The following PCNX2 variants were observed in gnomAD, a reference collection of about 807,000 sequenced individuals.
The protein encoded by PCNX2 is pecanex 2, also known as pecanex-like protein 2.
A neutral mutation model predicts 223.8 loss-of-function variants in PCNX2; 168 were observed. The observed-to-expected ratio is 0.75, with a 90% CI of 0.66 to 0.85. PCNX2 has a LOEUF of 0.85. Among genes scored for constraint, PCNX2 ranks in the 40% least tolerant of loss-of-function variants. PCNX2 has a pLI of 0.00. For missense variants in PCNX2, 2,507 were observed against 2,675.5 expected (o/e 0.94, Z 1.39); for synonymous variants, 1,006 against 1,052.6 (o/e 0.96, Z 0.86).
At chr1:233,003,230 G>A (rs1432233970) in intron 28 of PCNX2, among the ~76,000 whole-genome samples, 1 of 152,136 alleles carries the variant, frequency 6.6e-6, no homozygotes, top group Non-Finnish European at 1.5e-5. Flanking sequence ...CCTACAGAAT[G>A]GGAGAAAATT....
At position 233,258,062 on chromosome 1, in the gene PCNX2, T is replaced by C; in HGVS notation, c.1800A>G (p.Ser600=). Residue 600 remains serine (S), a synonymous_variant, in exon 5 of 34, where the codon TCA becomes TCG. Transcript: ENST00000258229. ...GCCCACTTTCTTCATTCTGCTCAGC[T>C]GAGCCATTCAGTTGACTGGATGCCG... ...KMTASSQLNG[S]AEQNEESGLL... is the part of the protein sequence containing the mutation. The C allele has an allele frequency of 6.2e-7, 1 of 1,613,972 alleles. No individual in the cohort carries two copies. The highest frequency in any genetic ancestry group is 1.1e-5 in the South Asian group (1 of 91,078).
rs557582756 is a variant in PCNX2 at position 233,154,357 on chromosome 1, G to A, written c.3517+5926C>T. Reference sequence around the variant, plus strand: ...AGCCTCCCAAAGTGCTGGGATTACAGGTGTGGGCCACCATGCCCGGCCTAT... The same window carrying A: ...AGCCTCCCAAAGTGCTGGGATTACAAGTGTGGGCCACCATGCCCGGCCTAT... On this transcript the variant is annotated intron_variant, in intron 19 of 33. Coordinates refer to ENST00000258229, the MANE Select transcript of PCNX2 (RefSeq NM_014801.4). Among the ~76,000 whole-genome samples, 13 of 152,300 alleles carry A rather than the reference G, an allele frequency of 8.5e-5. No homozygotes were observed. In the South Asian group the frequency reaches 2.5e-3, roughly 29 times the overall value.
At chr1:233,197,301 C>T (rs1680791668) in intron 15 of PCNX2, among the ~76,000 whole-genome samples, 1 of 152,050 alleles carries the variant, frequency 6.6e-6, no homozygotes, top group South Asian at 2.1e-4. Flanking sequence ...CAGAACACAA[C>T]AGAGCAATAT....
chr1:233,125,218 A>C (rs1011375176), intron 21 of PCNX2, among the ~76,000 whole-genome samples: 1 of 151,744 alleles, frequency 6.6e-6, no homozygotes, highest in African/African-American at 2.4e-5. Flanking sequence ...TTGCTGAACT[A>C]TTCCTTCTTT....
intron 15 of PCNX2, among the ~76,000 whole-genome samples, chr1:233,192,882 C>T (rs1572051513): frequency 1.3e-5 from 2 of 150,556 alleles, no homozygotes; most frequent in East Asian, 3.9e-4. Flanking sequence ...TAACATTATG[C>T]CTGCAGATAA....
chr1:232,998,217 T>G (rs762896041), intron 32 of PCNX2, 34 bp downstream of exon 32: 1 of 1,490,860 alleles, frequency 6.7e-7, no homozygotes, highest in Admixed American at 2.5e-5. Flanking sequence ...AAATAGGACT[T>G]CATCGATAGT....
At chr1:233,007,063 A>C (rs1394581297) in intron 28 of PCNX2, among the ~76,000 whole-genome samples, 2 of 151,922 alleles carry the variant, frequency 1.3e-5, no homozygotes, top group African/African-American at 2.4e-5. Context: ...GCAATTCCCC[A>C]AACAAAAACA....
At chr1:233,234,700 G>A (rs1410048524) in intron 9 of PCNX2, among the ~76,000 whole-genome samples, 1 of 152,114 alleles carries the variant, frequency 6.6e-6, no homozygotes, top group African/African-American at 2.4e-5. Context: ...TGAAATCAAT[G>A]GCATTCACAT....
At chr1:233,317,282 T>C in the PCNX2 span, among the ~76,000 whole-genome samples, 1 of 152,014 alleles carries the variant, frequency 6.6e-6, no homozygotes, top group Non-Finnish European at 1.5e-5. Context: ...GGCGTGATGA[T>C]GGGTGCCTGT....
intron 25 of PCNX2, chr1:233,033,083 T>A (rs1367381367): frequency 1.0e-6 from 1 of 985,288 alleles, no homozygotes; most frequent in East Asian, 1.1e-4. Flanking sequence ...CAGTGTGACC[T>A]TTCGAAGCCC....
chr1:233,136,338 T>G (rs142991740), intron 20 of PCNX2, among the ~76,000 whole-genome samples: 2 of 152,202 alleles, frequency 1.3e-5, no homozygotes, highest in African/African-American at 4.8e-5. Flanking sequence ...AGGAACCTTA[T>G]CAGCATTATG....
At chr1:233,261,048 GA>G (rs1450519369) in intron 4 of PCNX2, among the ~76,000 whole-genome samples, 2 of 152,072 alleles carry the variant, frequency 1.3e-5, no homozygotes, top group Non-Finnish European at 2.9e-5. Context: ...ATAGACTGGA[GA>G]AATGACAATG....
chr1:233,220,366 C>A (rs1037829320), intron 10 of PCNX2, among the ~76,000 whole-genome samples: 4 of 152,188 alleles, frequency 2.6e-5, no homozygotes, highest in African/African-American at 9.6e-5. Flanking sequence ...GCTGAATTGT[C>A]TTCTAAAGTA....
intron 9 of PCNX2, among the ~76,000 whole-genome samples, chr1:233,229,421 G>A (rs1461346900): frequency 1.3e-5 from 2 of 152,114 alleles, no homozygotes; most frequent in African/African-American, 2.4e-5. Flanking sequence ...CATCTCAGCA[G>A]GAACAGCTTC....
In PCNX2 at chr1:233,218,264, T is replaced by TTC. The variant is rs1334108681; in HGVS notation, c.2505-81_2505-80insGA. The TTC allele has an allele frequency of 2.5e-5, 26 of 1,040,152 alleles. No individual in the cohort carries two copies. The African/African-American group carries it at 4.0e-4, about 16-fold the overall frequency. The allele number at this position is 1,040,152 out of a possible 1,614,324, so 64.4% of individuals were successfully genotyped here. On this transcript the variant is annotated intron_variant, in intron 10 of 33. Coordinates refer to ENST00000258229, the MANE Select transcript of PCNX2 (RefSeq NM_014801.4). ...GTTTTGCCTTTTTTTTTTTTTTTTT[T>TTC]CTGAGATGGAATCTTGCTCTATCGC...
intron 17 of PCNX2, among the ~76,000 whole-genome samples, chr1:233,165,343 T>G (rs1558300448): frequency 1.3e-5 from 2 of 152,138 alleles, no homozygotes; most frequent in African/African-American, 4.8e-5. Flanking sequence ...CTGGAGACAT[T>G]TTGGTTTTTA....
Position 233,258,786 on chromosome 1 carries a change from A to G in PCNX2, c.1076T>C (p.Ile359Thr). ...SSDSEVAVTL[I>T]DTSQPGDPLS... ...TGGGTCTCCGGGTTGAGAAGTATCG[A>G]TGAGAGTAACAGCTACCTCACTATC... The change falls in exon 5 of 34, where the codon ATC becomes ACC. Residue 359 changes from isoleucine (I) to threonine (T), a missense_variant. By Grantham distance (89) the Ile-to-Thr change is moderately conservative (BLOSUM62 -1). Around this residue, in one of 3 missense-constraint regions of PCNX2, gnomAD observed 1,031 missense variants for 1,021.7 expected, o/e 1.01. Transcript: ENST00000258229. 1.2e-6 allele frequency: 2 copies of G among 1,613,826 alleles called. No individual in the cohort carries two copies. The highest frequency in any genetic ancestry group is 1.7e-6 in the Non-Finnish European group (2 of 1,179,828).
chr1:233,289,812 G>C (rs1661656044), intron 1 of PCNX2, among the ~76,000 whole-genome samples: 1 of 152,174 alleles, frequency 6.6e-6, no homozygotes. Flanking sequence ...ATGGCAACGT[G>C]CCAAGCAGTT....
At chr1:233,108,874 A>C (rs1386899442) in intron 21 of PCNX2, among the ~76,000 whole-genome samples, 2 of 152,102 alleles carry the variant, frequency 1.3e-5, no homozygotes, top group African/African-American at 4.8e-5. Flanking sequence ...ATTAATCAGA[A>C]TGTCCTCCGT....
Sources: gnomAD v4.1 joint callset for allele counts (sites outside exome capture counted in the v4.1 genomes callset) on GRCh38, gnomAD v4.1.1 for gene constraint, gnomAD v4.1.1 regional missense constraint, MANE v1.5 for transcripts, NCBI Gene and HGNC (gene_info 2026-07-23, HGNC 2026-07-21) for gene names.